The following ORMDL1 variants were observed in gnomAD, a reference collection of about 807,000 sequenced individuals.
ORMDL1 encodes ORM1-like protein 1.
Under a neutral mutation model 13.0 loss-of-function variants are expected in ORMDL1, and 10 were observed. That is an observed-to-expected ratio of 0.77 (90% CI 0.47 to 1.30). The LOEUF (loss-of-function observed/expected upper bound fraction) is 1.30, where lower values mean the gene tolerates loss of function less well. Ranked by LOEUF, ORMDL1 falls within the 50% of genes most tolerant of loss-of-function variation. The probability of loss-of-function intolerance (pLI) is 0.00; values close to 1 mark genes in which losing one functional copy is unlikely to be tolerated. For missense variants in ORMDL1, 171 were observed against 186.7 expected (o/e 0.92, Z 0.49); for synonymous variants, 61 against 63.9 (o/e 0.95, Z 0.22).
chr2:189,767,756 C>A (rs1316009632), downstream of ORMDL1, among the ~76,000 whole-genome samples: 2 of 152,144 alleles, frequency 1.3e-5, no homozygotes, highest in Non-Finnish European at 2.9e-5. Context: ...ATCCCATAAC[C>A]ATTGTTTATC....
downstream of ORMDL1, among the ~76,000 whole-genome samples, chr2:189,766,179 G>C (rs115881806): frequency 0.016 from 2,484 of 152,186 alleles, 67 homozygotes; most frequent in African/African-American, 0.057. Context: ...GATGTGGAAC[G>C]TTCTTTCATT....
chr2:189,776,224 T>A (rs1008374670), intron 3 of ORMDL1, among the ~76,000 whole-genome samples: 2 of 152,198 alleles, frequency 1.3e-5, no homozygotes, highest in African/African-American at 2.4e-5. Flanking sequence ...TTAATAGTTC[T>A]CTTCCAAAGC....
chr2:189,783,869 C>A (rs2047987033), intron 1 of ORMDL1, among the ~76,000 whole-genome samples: 1 of 152,164 alleles, frequency 6.6e-6, no homozygotes. Context: ...CAAACAATGA[C>A]CTTACAGACC....
At chr2:189,781,945 CTTTT>C (rs11288908) in intron 3 of ORMDL1, among the ~76,000 whole-genome samples, 2 of 136,710 alleles carry the variant, frequency 1.5e-5, no homozygotes, top group African/African-American at 2.6e-5. Flanking sequence ...ATCTTAGACA[CTTTT>C]TTTTTTTTTT....
intron 3 of ORMDL1, among the ~76,000 whole-genome samples, chr2:189,781,017 G>A (rs954439719): frequency 1.3e-5 from 2 of 152,124 alleles, no homozygotes; most frequent in Admixed American, 6.5e-5. Context: ...AGGCTCAAGC[G>A]ATTCTCCTAC....
At chr2:189,767,738 C>T (rs983530968), downstream of ORMDL1, among the ~76,000 whole-genome samples, 1 of 152,170 alleles carries the variant, frequency 6.6e-6, no homozygotes, top group Non-Finnish European at 1.5e-5. Context: ...GAGAGCTACA[C>T]GTAAGTCATC....
At chr2:189,772,281 A>C (rs2047595102) in intron 4 of ORMDL1, among the ~76,000 whole-genome samples, 1 of 149,936 alleles carries the variant, frequency 6.7e-6, no homozygotes, top group Admixed American at 6.6e-5. Context: ...TATTCTCAAA[A>C]AGTTTTGTGA....
At chr2:189,763,963 A>C in the ORMDL1 span, 4 of 152,232 alleles carry the variant, frequency 2.6e-5, no homozygotes, top group Non-Finnish European at 4.4e-5. Flanking sequence ...GCTGTAGATT[A>C]ATTTCTTTCA....
downstream of ORMDL1, among the ~76,000 whole-genome samples, chr2:189,766,507 T>C (rs2047485463): frequency 6.6e-6 from 1 of 152,022 alleles, no homozygotes; most frequent in Admixed American, 6.6e-5. Flanking sequence ...GTGGGCGGAT[T>C]ACCTGGAGTC....
chr2:189,777,595 T>A (rs193255282), intron 3 of ORMDL1, among the ~76,000 whole-genome samples: 9 of 152,364 alleles, frequency 5.9e-5, no homozygotes, highest in East Asian at 1.9e-4. Flanking sequence ...CAATATTTTT[T>A]AAATTGTTTT....
At chr2:189,768,459 A>C (rs1489714271), downstream of ORMDL1, among the ~76,000 whole-genome samples, 1 of 152,232 alleles carries the variant, frequency 6.6e-6, no homozygotes, top group Non-Finnish European at 1.5e-5. Context: ...ACACAGGAGA[A>C]ATATACTGCA....
chr2:189,764,676 C>T, the ORMDL1 span, among the ~76,000 whole-genome samples: 1 of 152,078 alleles, frequency 6.6e-6, no homozygotes, highest in South Asian at 2.1e-4. Context: ...TGGGCATTCT[C>T]AAAAAATATG....
At chr2:189,772,384 GT>G (rs2047598584) in intron 4 of ORMDL1, among the ~76,000 whole-genome samples, 1 of 152,148 alleles carries the variant, frequency 6.6e-6, no homozygotes, top group South Asian at 2.1e-4. Flanking sequence ...TAAATATTTG[GT>G]TGCCCTTTTG....
chr2:189,777,385 G>A (rs532452615), intron 3 of ORMDL1, among the ~76,000 whole-genome samples: 2 of 152,156 alleles, frequency 1.3e-5, no homozygotes, highest in South Asian at 2.1e-4. Context: ...TCAAATCATC[G>A]GGGGTATAGG....
At chr2:189,778,667 G>C (rs1366207879) in intron 3 of ORMDL1, among the ~76,000 whole-genome samples, 1 of 152,142 alleles carries the variant, frequency 6.6e-6, no homozygotes, top group African/African-American at 2.4e-5. Flanking sequence ...GGCCAAGGCA[G>C]GTGGATCACC....
In ORMDL1 at chr2:189,782,532, T is replaced by C. The variant is rs1430182426; in HGVS notation, c.64A>G (p.Met22Val). 6 of 1,614,224 alleles carry C rather than the reference T, an allele frequency of 3.7e-6. No individual in the cohort carries two copies. The highest frequency in any genetic ancestry group is 4.2e-6 in the Non-Finnish European group (5 of 1,180,030). Residue 22 changes from methionine to valine, a missense_variant, in exon 3 of 5, where the codon ATG becomes GTG. Met to Val is a conservative substitution (Grantham distance 21). Transcript: ENST00000392349. ...PNTRVMNSRG[M>V]WLTYALGVGL... is the part of the protein sequence containing the mutation. Reference sequence around the variant, plus strand: ...ACTCCCAATGCATATGTCAGCCACATACCCCGGCTGTTCATGACACGGGTA... The same window carrying C: ...ACTCCCAATGCATATGTCAGCCACACACCCCGGCTGTTCATGACACGGGTA...
intron 3 of ORMDL1, among the ~76,000 whole-genome samples, chr2:189,779,389 A>C (rs1483870994): frequency 6.6e-6 from 1 of 152,202 alleles, no homozygotes; most frequent in Non-Finnish European, 1.5e-5. Context: ...CTAAGGTGGG[A>C]GGAGCTATGA....
At chr2:189,769,107 G>A (rs374360301), downstream of ORMDL1, among the ~76,000 whole-genome samples, 12 of 152,206 alleles carry the variant, frequency 7.9e-5, no homozygotes, top group South Asian at 6.2e-4. Context: ...TAGGGGGCCC[G>A]GCATGTTGGC....
chr2:189,772,911 A>G (rs2047610259), intron 4 of ORMDL1, among the ~76,000 whole-genome samples: 1 of 152,218 alleles, frequency 6.6e-6, no homozygotes, highest in African/African-American at 2.4e-5. Context: ...GAAATTCTAC[A>G]ATCTTCCACC....
Sources: allele counts gnomAD v4.1 joint callset (sites outside exome capture counted in the v4.1 genomes callset), GRCh38; gene constraint gnomAD v4.1.1; transcripts MANE v1.5; gene names NCBI Gene and HGNC (gene_info 2026-07-23, HGNC 2026-07-21).